Variants in CFAP58 observed in about 807,000 individuals in gnomAD.
CFAP58 encodes cilia and flagella associated protein 58, also known as cilia- and flagella-associated protein 58.
CFAP58 carries 88 observed loss-of-function variants against 119.5 expected under a neutral mutation model. The observed-to-expected ratio is 0.74, with a 90% CI of 0.62 to 0.88. The LOEUF (loss-of-function observed/expected upper bound fraction) is 0.88. Ranked by LOEUF, CFAP58 falls within the 40% of genes least tolerant of loss-of-function variation. The pLI, the probability that CFAP58 is intolerant of heterozygous loss-of-function variation, is 0.00. For missense variants in CFAP58, 990 were observed against 1,021.2 expected (o/e 0.97, Z 0.42); for synonymous variants, 365 against 366.3 (o/e 1.00, Z 0.04).
chr10:104,435,204 G>A (rs1183445608), intron 15 of CFAP58, among the ~76,000 whole-genome samples: 8 of 152,184 alleles, frequency 5.3e-5, no homozygotes, highest in South Asian at 4.1e-4. Context: ...TAAACAGGCC[G>A]GACATGTTGG....
the CFAP58 span, among the ~76,000 whole-genome samples, chr10:104,346,281 G>T: frequency 6.6e-6 from 1 of 152,030 alleles, no homozygotes; most frequent in Non-Finnish European, 1.5e-5. Flanking sequence ...AGAAACATTG[G>T]AAGTCATGTA....
intron 15 of CFAP58, among the ~76,000 whole-genome samples, chr10:104,423,133 T>C (rs1047653119): frequency 2.0e-5 from 3 of 152,194 alleles, no homozygotes; most frequent in African/African-American, 7.2e-5. Flanking sequence ...TTTAGGAAAT[T>C]ATGGTTTGCT....
rs867770102 is a variant in CFAP58, at chr10:104,357,862, T to C, written c.10-479T>C. ...ACACATATGTACACATATATACACA[T>C]ATATACACATATATGTACACATATA... On this transcript the variant is annotated intron_variant, in intron 1 of 17. Coordinates refer to ENST00000369704, the MANE Select transcript of CFAP58 (RefSeq NM_001008723.2). 1.3e-4 allele frequency among the ~76,000 whole-genome samples: 16 copies of C among 124,086 alleles called. No individual in the cohort carries two copies. In the South Asian group the frequency reaches 2.2e-3, roughly 17 times the overall value. 81.4% of individuals were successfully genotyped at this position (124,086 alleles called of 152,430 possible).
chr10:104,419,984 C>T (rs1178653727), intron 15 of CFAP58, among the ~76,000 whole-genome samples: 2 of 152,032 alleles, frequency 1.3e-5, no homozygotes, highest in African/African-American at 4.8e-5. Context: ...TTGCAATAAC[C>T]CTGTTTTGCA....
Position 104,450,145 on chromosome 10 carries a change from T to A in CFAP58, c.2451T>A (p.Asn817Lys), listed in dbSNP as rs545003667. ...AATATGAGGTAGAGAAACTTACCAA[T>A]GAGCTCCAGAATTTAAAGAAGAAAT... is the stretch of plus-strand genomic sequence containing the variant. Reference protein sequence around the residue: ...EYKYEVEKLTNELQNLKKKYL... With the variant: ...EYKYEVEKLTKELQNLKKKYL... Residue 817 changes from asparagine (N) to lysine (K), a missense_variant, in exon 17 of 18, where the codon AAT becomes AAA. Physicochemically the swap from Asn to Lys is moderately conservative, Grantham distance 94. Coordinates refer to ENST00000369704, the MANE Select transcript of CFAP58 (RefSeq NM_001008723.2). 3 of 1,613,482 alleles carry A rather than the reference T, an allele frequency of 1.9e-6. No individual in the cohort carries two copies. The highest frequency in any genetic ancestry group is 2.5e-6 in the Non-Finnish European group (3 of 1,179,736).
At chr10:104,378,913 TAA>T (rs35459140) in intron 8 of CFAP58, among the ~76,000 whole-genome samples, 102 of 140,282 alleles carry the variant, frequency 7.3e-4, no homozygotes, top group Admixed American at 9.2e-4. Flanking sequence ...CAGTGCAGCT[TAA>T]AAAAAAAAAA....
intron 2 of CFAP58, among the ~76,000 whole-genome samples, chr10:104,359,158 TAG>T (rs759617480): frequency 1.3e-5 from 2 of 152,236 alleles, no homozygotes; most frequent in Admixed American, 6.5e-5. Flanking sequence ...TGTTTTACAC[TAG>T]ATTTTTTTCA....
rs1357651241 is a variant in CFAP58, at chr10:104,370,936, G to C, written c.972G>C (p.Gly324=). Residue 324 remains glycine, a synonymous_variant, in exon 7 of 18, where the codon GGG becomes GGC. Transcript: ENST00000369704. ...TCCATCAAATGCGCCTTGACATCGG[G>C]AAGCTCAACAAAATCAGAGAACAAA... is the stretch of plus-strand genomic sequence containing the variant. ...EEVHQMRLDI[G]KLNKIREQIH... 2.5e-6 allele frequency: 4 copies of C among 1,613,416 alleles called. No homozygotes were observed. Among genetic ancestry groups the C allele is most frequent in the Non-Finnish European group, 3.4e-6 (4 of 1,179,850 alleles).
At chr10:104,353,723 C>T (rs771764245), upstream of CFAP58, 43 of 590,644 alleles carry the variant, frequency 7.3e-5, no homozygotes, top group Non-Finnish European at 1.2e-4. Context: ...TTCCCGCTAG[C>T]GCCCCTAGAG....
intron 13 of CFAP58, among the ~76,000 whole-genome samples, chr10:104,401,807 T>C (rs151035424): frequency 0.026 from 4,016 of 151,986 alleles, 204 homozygotes; most frequent in African/African-American, 0.093. Context: ...ACGAAAGCAG[T>C]ACAAATTCAT....
rs141164113 is a variant in CFAP58 at position 104,360,112 on chromosome 10, T to G, written c.291+1490T>G. Among the ~76,000 whole-genome samples the G allele has an allele frequency of 2.6e-3, 398 of 152,360 alleles. 4 individuals are homozygous for G. The highest frequency in any genetic ancestry group is 9.4e-3 in the African/African-American group (389 of 41,598). On this transcript the variant is annotated intron_variant, in intron 2 of 17. Transcript: ENST00000369704. Reference sequence around the variant, plus strand: ...TAAATACTCTCTTCCACCCATTTTATTCCTTGTCAATAAACAAGTGGAATA... The same window carrying G: ...TAAATACTCTCTTCCACCCATTTTAGTCCTTGTCAATAAACAAGTGGAATA...
chr10:104,341,214 T>G, the CFAP58 span, among the ~76,000 whole-genome samples: 5 of 152,050 alleles, frequency 3.3e-5, no homozygotes, highest in African/African-American at 4.8e-5. Context: ...AATTAAAATG[T>G]TTCATGATAA....
intron 9 of CFAP58, among the ~76,000 whole-genome samples, chr10:104,385,708 A>T (rs1440741305): frequency 6.6e-6 from 1 of 152,158 alleles, no homozygotes; most frequent in African/African-American, 2.4e-5. Context: ...AAACCAGCCT[A>T]CAGAGAGTTG....
At chr10:104,371,299 A>G (rs1398700814) in intron 7 of CFAP58, among the ~76,000 whole-genome samples, 1 of 152,198 alleles carries the variant, frequency 6.6e-6, no homozygotes, top group African/African-American at 2.4e-5. Context: ...AACCTGAAGT[A>G]TTATTGCTCA....
intron 15 of CFAP58, among the ~76,000 whole-genome samples, chr10:104,429,135 T>C (rs941939082): frequency 2.6e-5 from 4 of 151,854 alleles, no homozygotes; most frequent in Admixed American, 6.6e-5. Context: ...CAGTAGGAGA[T>C]TGGTAGTGCT....
At chr10:104,408,831 G>A (rs966655829) in intron 15 of CFAP58, among the ~76,000 whole-genome samples, 1 of 152,146 alleles carries the variant, frequency 6.6e-6, no homozygotes, top group African/African-American at 2.4e-5. Context: ...GGGTGCAGTG[G>A]ATCATGCCTA....
At chr10:104,434,396 G>T (rs2012897379) in intron 15 of CFAP58, among the ~76,000 whole-genome samples, 2 of 152,176 alleles carry the variant, frequency 1.3e-5, no homozygotes, top group East Asian at 3.9e-4. Context: ...GCTGACTCTT[G>T]ATCCCAGGCT....
At chr10:104,365,711 G>A in intron 4 of CFAP58, 103 bp from the exon 5 acceptor site, 2 of 1,008,558 alleles carry the variant, frequency 2.0e-6, no homozygotes, top group Admixed American at 4.8e-5. Context: ...GCAAAGTGCT[G>A]CCTTGACAAT....
chr10:104,376,380 C>T (rs2011662429), intron 7 of CFAP58, among the ~76,000 whole-genome samples: 1 of 151,514 alleles, frequency 6.6e-6, no homozygotes, highest in Non-Finnish European at 1.5e-5. Context: ...GGTGCTGCAC[C>T]TGTAGTCCCA....
Sources: allele counts gnomAD v4.1 joint callset (sites outside exome capture counted in the v4.1 genomes callset), GRCh38; gene constraint gnomAD v4.1.1; transcripts MANE v1.5; gene names NCBI Gene and HGNC (gene_info 2026-07-23, HGNC 2026-07-21).